GSAP: variants seen among roughly 807,000 people sequenced by gnomAD.
GSAP encodes the protein gamma-secretase-activating protein.
A neutral mutation model predicts 131.7 loss-of-function variants in GSAP; 118 were observed. That is an observed-to-expected ratio of 0.90 (90% confidence interval 0.77 to 1.04). GSAP has a LOEUF of 1.04. GSAP is among the 50% of genes least tolerant of loss of function. The pLI is 0.00. For synonymous variants in GSAP, 381 were observed against 363.4 expected, an observed-to-expected ratio of 1.05 and a Z score of -0.55; for missense variants, 1,019 against 1,013.2, an observed-to-expected ratio of 1.01 and a Z score of -0.08.
At chr7:77,413,857 G>GGTT (rs1803772465) in intron 1 of GSAP, among the ~76,000 whole-genome samples, 2 of 150,294 alleles carry the variant, frequency 1.3e-5, no homozygotes, top group South Asian at 2.1e-4. Flanking sequence ...TACTTCGGTG[G>GGTT]TTTTTTTCTT....
intron 19 of GSAP, among the ~76,000 whole-genome samples, chr7:77,340,381 A>G (rs1295660130): frequency 1.3e-5 from 2 of 152,182 alleles, no homozygotes; most frequent in Non-Finnish European, 2.9e-5. Flanking sequence ...TTGGTGCCGA[A>G]GACCCAGGAC....
rs1584274635 is a variant in GSAP, at chr7:77,327,786, A to G, written c.1765+820T>C. Among the ~76,000 whole-genome samples, 4 of 152,208 alleles carry G rather than the reference A, an allele frequency of 2.6e-5. No individual in the cohort carries two copies. The Middle Eastern group carries it at 0.01, about 388-fold the overall frequency. On this transcript the variant is annotated intron_variant, in intron 22 of 30. Transcript: ENST00000257626. The stretch of plus-strand genomic sequence containing the variant: ...TTTATCAAGACTTAACTCACCTGTC[A>G]GCCCTCTGGGGAGCCTCTTCCAACC...
Position 77,346,270 on chromosome 7 carries a change from CAAAAAAAAA to C in GSAP, c.1545+3072_1545+3080del, listed in dbSNP as rs1223497863. On this transcript the variant is annotated intron_variant, in intron 19 of 30. Coordinates refer to ENST00000257626, the MANE Select transcript of GSAP (RefSeq NM_017439.4). ...GGGCAACGAGAATGAGACTCCATCT[CAAAAAAAAA>C]AAAAAAAAAAAGAAAGAAAGAAAAA... 7.3e-5 allele frequency among the ~76,000 whole-genome samples: 3 copies of C among 40,904 alleles called. No individual in the cohort carries two copies. The East Asian group carries it at 2.4e-3, about 33-fold the overall frequency. 26.8% of individuals were successfully genotyped at this position (40,904 alleles called of 152,430 possible).
chr7:77,377,527 C>T (rs973790245), intron 8 of GSAP, 137 bp from the exon 9 acceptor site: 1 of 1,057,966 alleles, frequency 9.5e-7, no homozygotes, highest in East Asian at 2.8e-5. Flanking sequence ...GTTAGAAGCT[C>T]CCCACCCCTA....
chr7:77,410,214 G>T (rs1485761313), intron 1 of GSAP, among the ~76,000 whole-genome samples: 1 of 152,166 alleles, frequency 6.6e-6, no homozygotes, highest in Non-Finnish European at 1.5e-5. Flanking sequence ...GGTAATAACT[G>T]CAGGGCTGAA....
intron 21 of GSAP, among the ~76,000 whole-genome samples, 153 bp downstream of exon 21, chr7:77,329,180 G>C (rs1788722450): frequency 6.6e-6 from 1 of 152,188 alleles, no homozygotes. Context: ...TTCCAGAATA[G>C]GGTCCAAGTG....
chr7:77,366,805 A>T (rs1192489169), intron 12 of GSAP, among the ~76,000 whole-genome samples: 1 of 152,168 alleles, frequency 6.6e-6, no homozygotes, highest in African/African-American at 2.4e-5. Context: ...GAATCTGTAC[A>T]CTGCTTTGGG....
intron 5 of GSAP, among the ~76,000 whole-genome samples, chr7:77,393,863 A>G (rs1033822990): frequency 1.3e-5 from 2 of 151,844 alleles, no homozygotes; most frequent in African/African-American, 4.8e-5. Context: ...TAGTAAAGAC[A>G]GGGTTTCACC....
At chr7:77,348,582 G>T (rs1167575947) in intron 19 of GSAP, among the ~76,000 whole-genome samples, 1 of 152,230 alleles carries the variant, frequency 6.6e-6, no homozygotes, top group Admixed American at 6.5e-5. Flanking sequence ...GCTGCCAGAA[G>T]TTGAGATTTC....
chr7:77,328,979 A>T lies in GSAP; in HGVS notation c.1734-342T>A, dbSNP rs117571386. Among the ~76,000 whole-genome samples the T allele has an allele frequency of 5.3e-3, 800 of 152,200 alleles. 5 individuals carry two copies. Among genetic ancestry groups the T allele is most frequent in the Non-Finnish European group, 6.9e-3 (470 of 68,012 alleles). On this transcript the variant is annotated intron_variant, in intron 21 of 30. Coordinates refer to ENST00000257626, the MANE Select transcript of GSAP (RefSeq NM_017439.4). ...CATATATCCAGAAAATAGGCTTTCAAAATAAAAGCAAGCTCACTAGCCCAC... is the reference window on the plus strand; with the variant it reads ...CATATATCCAGAAAATAGGCTTTCATAATAAAAGCAAGCTCACTAGCCCAC...
rs147744800 is a variant in GSAP at position 77,323,322 on chromosome 7, G to A, written c.1923+325C>T. Among the ~76,000 whole-genome samples, 802 of 152,298 alleles carry A rather than the reference G, an allele frequency of 5.3e-3. 8 individuals carry two copies. The highest frequency in any genetic ancestry group is 0.012 in the African/African-American group (506 of 41,548). ...CTGTCTGCATAAACCTCCATGTACA[G>A]AAATCATCTACATGGAGCTGGAAGT... On this transcript the variant is annotated intron_variant, in intron 24 of 30. Coordinates refer to ENST00000257626, the MANE Select transcript of GSAP (RefSeq NM_017439.4).
At chr7:77,312,677 G>C (rs1023789423) in intron 28 of GSAP, among the ~76,000 whole-genome samples, 5 of 152,162 alleles carry the variant, frequency 3.3e-5, no homozygotes, top group African/African-American at 9.7e-5. Flanking sequence ...AATATGCTTT[G>C]TTTTCTATTC....
chr7:77,363,122 T>C (rs1794782699), intron 12 of GSAP, among the ~76,000 whole-genome samples: 1 of 152,224 alleles, frequency 6.6e-6, no homozygotes. Flanking sequence ...TGATCTATCT[T>C]ATGGGTCAGT....
At chr7:77,367,047 A>G (rs1795426932) in intron 12 of GSAP, among the ~76,000 whole-genome samples, 1 of 152,214 alleles carries the variant, frequency 6.6e-6, no homozygotes, top group Admixed American at 6.5e-5. Flanking sequence ...GTGTAAAGAA[A>G]TGCTAGAGAT....
Position 77,406,046 on chromosome 7 carries a change from T to C in GSAP, c.169A>G (p.Ile57Val), listed in dbSNP as rs762117290. 1.7e-5 allele frequency: 17 copies of C among 1,020,882 alleles called. No homozygotes were observed. The highest frequency in any genetic ancestry group is 2.3e-4 in the Middle Eastern group (1 of 4,438). 63.2% of individuals were successfully genotyped at this position (1,020,882 alleles called of 1,614,324 possible). Residue 57 changes from isoleucine to valine, a missense_variant, in exon 2 of 31, where the codon ATT becomes GTT. Physicochemically the swap from Ile to Val is conservative, Grantham distance 29. Coordinates refer to ENST00000257626, the MANE Select transcript of GSAP (RefSeq NM_017439.4). ...AGACATACCTTATAGGTATAAATAA[T>C]ATTTCCATTTCTTTCAACATTTAAT... ...HVLNVERNGN[I>V]IYTYKDDKGN...
chr7:77,370,898 T>C (rs1350525005), intron 12 of GSAP, among the ~76,000 whole-genome samples: 1 of 152,220 alleles, frequency 6.6e-6, no homozygotes, highest in Non-Finnish European at 1.5e-5. Flanking sequence ...CTTCAGCTAC[T>C]ACAATACCAT....
At chr7:77,400,606 A>C (rs1198667457) in intron 3 of GSAP, among the ~76,000 whole-genome samples, 1 of 152,222 alleles carries the variant, frequency 6.6e-6, no homozygotes, top group East Asian at 1.9e-4. Flanking sequence ...ATTCCCCAAC[A>C]GGTAAATTAT....
intron 1 of GSAP, among the ~76,000 whole-genome samples, chr7:77,414,844 C>T (rs1256019984): frequency 7.0e-4 from 42 of 59,860 alleles, no homozygotes; most frequent in South Asian, 1.6e-3. Flanking sequence ...ATGTGGGCGA[C>T]TTTTTTTTTT....
At chr7:77,332,104 G>A (rs985244546) in intron 19 of GSAP, among the ~76,000 whole-genome samples, 3 of 152,116 alleles carry the variant, frequency 2.0e-5, no homozygotes, top group East Asian at 1.9e-4. Context: ...TCCCACCCAC[G>A]CAGTTCACCC....
Sources: allele counts gnomAD v4.1 joint callset (sites outside exome capture counted in the v4.1 genomes callset), GRCh38; gene constraint gnomAD v4.1.1; transcripts MANE v1.5; gene names NCBI Gene and HGNC (gene_info 2026-07-23, HGNC 2026-07-21).